The following NOL4 variants were observed in gnomAD, a reference collection of about 807,000 sequenced individuals.
The protein encoded by NOL4 is nucleolar protein 4, also known as cancer/testis antigen 125.
Under a neutral mutation model 75.9 loss-of-function variants are expected in NOL4, and 17 were observed. That is an observed-to-expected ratio of 0.22 (90% CI 0.15 to 0.34). The LOEUF (loss-of-function observed/expected upper bound fraction) is 0.34. NOL4 is among the 10% of genes least tolerant of loss of function. The pLI, the probability that NOL4 is intolerant of heterozygous loss-of-function variation, is 1.00. For missense variants in NOL4, 614 were observed against 793.5 expected, an observed-to-expected ratio of 0.77 and a Z score of 2.72; for synonymous variants, 292 against 289.9, an observed-to-expected ratio of 1.01 and a Z score of -0.07.
intron 10 of NOL4, among the ~76,000 whole-genome samples, chr18:33,880,866 T>C (rs1282233243): frequency 6.6e-6 from 1 of 152,058 alleles, no homozygotes; most frequent in African/African-American, 2.4e-5. Flanking sequence ...ATAATAGTGC[T>C]GCCACTTTCA....
At chr18:33,997,507 T>TG (rs111708310) in intron 6 of NOL4, among the ~76,000 whole-genome samples, 151,706 of 151,710 alleles carry the variant, frequency 1, 75,851 homozygotes, top group Middle Eastern at 1. Flanking sequence ...GGTAATGTGA[T>TG]CGTCTGGCTT....
At chr18:34,130,468 T>C (rs991073691) in intron 1 of NOL4, among the ~76,000 whole-genome samples, 2 of 152,016 alleles carry the variant, frequency 1.3e-5, no homozygotes, top group Non-Finnish European at 2.9e-5. Flanking sequence ...AGAGTTATCC[T>C]AGGTTATTGC....
At chr18:34,107,208 G>T (rs1022874098) in intron 2 of NOL4, among the ~76,000 whole-genome samples, 10 of 151,944 alleles carry the variant, frequency 6.6e-5, no homozygotes, top group Admixed American at 6.6e-5. Context: ...GCAGCATTTA[G>T]CCCCAAATCA....
chr18:34,170,551 A>G (rs1349702818), intron 1 of NOL4, among the ~76,000 whole-genome samples: 3 of 152,192 alleles, frequency 2.0e-5, no homozygotes, highest in African/African-American at 7.2e-5. Flanking sequence ...TTGAACTGAT[A>G]ACATGTTGAA....
intron 2 of NOL4, among the ~76,000 whole-genome samples, chr18:34,127,539 T>C (rs1208082729): frequency 1.3e-5 from 2 of 151,916 alleles, no homozygotes; most frequent in Non-Finnish European, 2.9e-5. Context: ...ATCCTACCTA[T>C]GACTAGCCAA....
At chr18:34,115,367 T>C (rs2079803217) in intron 2 of NOL4, among the ~76,000 whole-genome samples, 1 of 152,060 alleles carries the variant, frequency 6.6e-6, no homozygotes, top group Admixed American at 6.6e-5. Flanking sequence ...AGCATAATAA[T>C]AGCTCCCTGC....
chr18:33,961,080 G>T (rs2070080289), intron 6 of NOL4, among the ~76,000 whole-genome samples: 1 of 151,674 alleles, frequency 6.6e-6, no homozygotes. Context: ...AGAAGAACTA[G>T]TATTAATATA....
chr18:34,181,136 A>G (rs1395670437), intron 1 of NOL4, among the ~76,000 whole-genome samples: 1 of 151,546 alleles, frequency 6.6e-6, no homozygotes, highest in Admixed American at 6.6e-5. Flanking sequence ...AAAAAGAATA[A>G]AGTTGGAGAA....
At position 34,224,414 on chromosome 18, in the gene NOL4, C is replaced by T. The variant is rs1032371737; in HGVS notation, c.-1161G>A. 2 of 152,268 alleles carry T rather than the reference C, an allele frequency of 1.3e-5. No individual in the cohort carries two copies. The highest frequency in any genetic ancestry group is 2.9e-5 in the Non-Finnish European group (2 of 68,142). The allele number at this position is 152,268 out of a possible 1,614,324, so 9.4% of individuals were successfully genotyped here. On this transcript the variant is annotated 5_prime_UTR_variant, in exon 1 of 11. Transcript: ENST00000261592. ...TGCTCTGAGTAGCCAAATATGAGTT[C>T]CTCTGGACTATTTTTCCAAGCAGAT...
At chr18:33,956,974 C>A (rs146675146) in intron 8 of NOL4, among the ~76,000 whole-genome samples, 124 of 152,220 alleles carry the variant, frequency 8.1e-4, no homozygotes, top group African/African-American at 2.9e-3. Context: ...CAGTTCACAA[C>A]TTAAATAACC....
intron 1 of NOL4, among the ~76,000 whole-genome samples, chr18:34,207,973 T>C (rs964069686): frequency 6.6e-6 from 1 of 152,050 alleles, no homozygotes; most frequent in Non-Finnish European, 1.5e-5. Context: ...AGGAAAAAAA[T>C]AGACATGGTG....
At chr18:34,017,888 C>T (rs947628353) in intron 6 of NOL4, among the ~76,000 whole-genome samples, 2 of 152,048 alleles carry the variant, frequency 1.3e-5, no homozygotes, top group South Asian at 2.1e-4. Context: ...CTCTTCTAGG[C>T]TCATTTATCA....
At chr18:34,109,689 A>T (rs2079489712) in intron 2 of NOL4, among the ~76,000 whole-genome samples, 2 of 152,048 alleles carry the variant, frequency 1.3e-5, no homozygotes, top group African/African-American at 2.4e-5. Context: ...AAAGGTAGAG[A>T]CCAGAAAAAC....
At chr18:34,081,483 C>A (rs2078010164) in intron 5 of NOL4, among the ~76,000 whole-genome samples, 1 of 151,892 alleles carries the variant, frequency 6.6e-6, no homozygotes, top group African/African-American at 2.4e-5. Context: ...CTGAAAATAG[C>A]CTATTTTTCT....
intron 8 of NOL4, among the ~76,000 whole-genome samples, chr18:33,949,178 A>T (rs1324253245): frequency 1.3e-5 from 2 of 152,118 alleles, no homozygotes; most frequent in Non-Finnish European, 2.9e-5. Flanking sequence ...AAAGTTCTAA[A>T]TTCCAAACCA....
At chr18:34,148,315 A>G (rs117371013) in intron 1 of NOL4, among the ~76,000 whole-genome samples, 3,955 of 151,940 alleles carry the variant, frequency 0.026, 77 homozygotes, top group Middle Eastern at 0.052. Flanking sequence ...TAGGGTGTCA[A>G]TTTTAGCTCT....
At chr18:33,898,489 C>T (rs1372278469) in intron 9 of NOL4, among the ~76,000 whole-genome samples, 1 of 152,068 alleles carries the variant, frequency 6.6e-6, no homozygotes, top group African/African-American at 2.4e-5. Context: ...TATGAAGAAA[C>T]AACACCCGTT....
intron 5 of NOL4, among the ~76,000 whole-genome samples, chr18:34,024,194 A>AAAAATAT: frequency 5.7e-5 from 4 of 70,592 alleles, no homozygotes; most frequent in Admixed American, 1.3e-4. Context: ...AAAAAAAAAA[A>AAAAATAT]ATATATATAT....
At chr18:33,989,686 T>C (rs2072770021) in intron 6 of NOL4, among the ~76,000 whole-genome samples, 1 of 152,068 alleles carries the variant, frequency 6.6e-6, no homozygotes, top group South Asian at 2.1e-4. Flanking sequence ...TAACAATTCA[T>C]CATTCATAAT....
Sources: allele counts gnomAD v4.1 joint callset (sites outside exome capture counted in the v4.1 genomes callset), GRCh38; gene constraint gnomAD v4.1.1; transcripts MANE v1.5; gene names NCBI Gene and HGNC (gene_info 2026-07-23, HGNC 2026-07-21).